SAMD4A: variants seen among roughly 807,000 people sequenced by gnomAD.
SAMD4A encodes the protein sterile alpha motif domain containing 4A, also known as protein Smaug homolog 1.
Under a neutral mutation model 81.3 loss-of-function variants are expected in SAMD4A, and 33 were observed. The observed-to-expected ratio is 0.41, with a 90% confidence interval of 0.31 to 0.54. The LOEUF (loss-of-function observed/expected upper bound fraction) is 0.54, where lower values mean the gene tolerates loss of function less well. SAMD4A is among the 20% of genes least tolerant of loss of function. The probability of loss-of-function intolerance (pLI) is 0.37; values close to 1 mark genes in which losing one functional copy is unlikely to be tolerated. For missense variants in SAMD4A, 854 were observed against 951.1 expected, an observed-to-expected ratio of 0.90 and a Z score of 1.34; for synonymous variants, 389 against 382.1, an observed-to-expected ratio of 1.02 and a Z score of -0.21.
At chr14:54,565,495 C>T (rs552914388), upstream of SAMD4A, among the ~76,000 whole-genome samples, 9 of 152,346 alleles carry the variant, frequency 5.9e-5, no homozygotes, top group Non-Finnish European at 1.2e-4. This position sits in a 1 kb window ranked among gnomAD's most constrained non-coding sequence, Gnocchi z 5.4. Flanking sequence ...CGGCACGGAA[C>T]CTAGCGCCTG....
At chr14:54,586,300 T>A (rs1446482050) in intron 2 of SAMD4A, among the ~76,000 whole-genome samples, 1 of 152,218 alleles carries the variant, frequency 6.6e-6, no homozygotes, top group Non-Finnish European at 1.5e-5. Flanking sequence ...CTGAGTTGTT[T>A]GAATTCTTTA....
chr14:54,717,681 G>A (rs1288931208), intron 3 of SAMD4A, among the ~76,000 whole-genome samples: 1 of 152,114 alleles, frequency 6.6e-6, no homozygotes, highest in East Asian at 1.9e-4. Context: ...CAAAGTCTGA[G>A]AGTCCTTGAT....
chr14:54,629,939 T>C (rs1029882504), intron 2 of SAMD4A, among the ~76,000 whole-genome samples: 1 of 152,226 alleles, frequency 6.6e-6, no homozygotes, highest in South Asian at 2.1e-4. Context: ...GACTTATCCC[T>C]TTGTGTCTGG....
chr14:54,581,446 A>G (rs1441874752), intron 2 of SAMD4A, among the ~76,000 whole-genome samples: 1 of 152,238 alleles, frequency 6.6e-6, no homozygotes, highest in African/African-American at 2.4e-5. Flanking sequence ...ATCCAATTCA[A>G]TTGGGACTTT....
chr14:54,576,651 A>T (rs1386376315), intron 2 of SAMD4A, among the ~76,000 whole-genome samples: 1 of 152,188 alleles, frequency 6.6e-6, no homozygotes, highest in Admixed American at 6.5e-5. Context: ...GAAAGGGGGG[A>T]GATAGCATTT....
intron 3 of SAMD4A, among the ~76,000 whole-genome samples, chr14:54,725,354 G>A (rs982774238): frequency 6.6e-5 from 10 of 152,174 alleles, no homozygotes; most frequent in Non-Finnish European, 8.8e-5. Flanking sequence ...CACTTAAAAT[G>A]TGTGAGAGGA....
intron 2 of SAMD4A, chr14:54,687,490 G>C (rs140939260): frequency 1.4e-4 from 57 of 394,310 alleles, no homozygotes; most frequent in Non-Finnish European, 2.4e-4. Context: ...CTAGAATTCA[G>C]TTAATTCATT....
intron 10 of SAMD4A, among the ~76,000 whole-genome samples, chr14:54,775,395 A>G (rs2038816414): frequency 6.6e-6 from 1 of 152,208 alleles, no homozygotes; most frequent in Non-Finnish European, 1.5e-5. Context: ...AAAGAAATGC[A>G]AGACCTATTT....
At position 54,715,954 on chromosome 14, in the gene SAMD4A, G is replaced by GA. The variant is rs1238031012; in HGVS notation, c.715+13383dup. Among the ~76,000 whole-genome samples the GA allele has an allele frequency of 2.4e-4, 37 of 151,218 alleles. No individual in the cohort carries two copies. The East Asian group carries it at 4.7e-3, about 19-fold the overall frequency. On this transcript the variant is annotated intron_variant, in intron 3 of 12. Coordinates refer to ENST00000554335, the MANE Select transcript of SAMD4A (RefSeq NM_015589.6). ...TACAGTTATAAATGTGGATTCTAAA[G>GA]AAAAAAAAATCAGAGGATCACCAAG... is the stretch of plus-strand genomic sequence containing the variant.
intron 3 of SAMD4A, among the ~76,000 whole-genome samples, chr14:54,708,374 G>A (rs964834202): frequency 2.6e-5 from 4 of 152,216 alleles, no homozygotes; most frequent in Admixed American, 1.3e-4. Context: ...TGTCATATAC[G>A]ATGAGTTTGG....
chr14:54,613,059 G>A (rs2034400168), intron 2 of SAMD4A, among the ~76,000 whole-genome samples: 1 of 152,086 alleles, frequency 6.6e-6, no homozygotes, highest in African/African-American at 2.4e-5. Flanking sequence ...GGAGGTTGCA[G>A]TGAGTTGAGA....
intron 2 of SAMD4A, among the ~76,000 whole-genome samples, chr14:54,639,596 G>GC (rs2035121184): frequency 6.6e-6 from 1 of 152,158 alleles, no homozygotes; most frequent in Non-Finnish European, 1.5e-5. Flanking sequence ...ACTTCCCTTT[G>GC]CCTCCCTTCG....
intron 7 of SAMD4A, 97 bp from the exon 8 acceptor site, chr14:54,764,358 C>A: frequency 1.2e-6 from 1 of 802,204 alleles, no homozygotes; most frequent in Non-Finnish European, 2.1e-6. Context: ...GACACACATA[C>A]CTCTCAGAGT....
chr14:54,686,179 G>A (rs1161978712), intron 2 of SAMD4A, among the ~76,000 whole-genome samples: 2 of 152,230 alleles, frequency 1.3e-5, no homozygotes, highest in Non-Finnish European at 2.9e-5. Context: ...TATTCTGAAT[G>A]TGGGTGAGGG....
chr14:54,592,749 G>A (rs892121630), intron 2 of SAMD4A, among the ~76,000 whole-genome samples: 1 of 152,136 alleles, frequency 6.6e-6, no homozygotes, highest in South Asian at 2.1e-4. Context: ...GTGAGCCACC[G>A]CACCCGGCCA....
intron 4 of SAMD4A, among the ~76,000 whole-genome samples, chr14:54,748,336 A>G (rs1471051845): frequency 6.6e-6 from 1 of 152,214 alleles, no homozygotes; most frequent in Non-Finnish European, 1.5e-5. Context: ...CATTGAATGT[A>G]CAAAAATTAT....
chr14:54,768,053 T>C (rs2038598899), intron 8 of SAMD4A, among the ~76,000 whole-genome samples: 2 of 152,204 alleles, frequency 1.3e-5, no homozygotes, highest in Admixed American at 1.3e-4. Context: ...TAATGATGTC[T>C]TAGGAAGCAC....
chr14:54,749,018 C>T (rs772161081), intron 5 of SAMD4A, 94 bp downstream of exon 5: 8 of 811,040 alleles, frequency 9.9e-6, no homozygotes, highest in Admixed American at 4.4e-5. Flanking sequence ...CATACCTATG[C>T]CCACACAGTA....
chr14:54,737,406 C>T (rs574894569), intron 4 of SAMD4A, 119 bp downstream of exon 4: 369 of 1,175,506 alleles, frequency 3.1e-4, no homozygotes, highest in Admixed American at 6.1e-4. Flanking sequence ...CCCAGGCTTA[C>T]GCATTTGATC....
Sources: allele counts gnomAD v4.1 joint callset (sites outside exome capture counted in the v4.1 genomes callset), GRCh38; gene constraint gnomAD v4.1.1; non-coding constraint Gnocchi (gnomAD v3.1); transcripts MANE v1.5; gene names NCBI Gene and HGNC (gene_info 2026-07-23, HGNC 2026-07-21).